The following RBFOX1 variants were observed in gnomAD, a reference collection of about 807,000 sequenced individuals.
RBFOX1 encodes the protein RNA binding protein fox-1 homolog 1.
RBFOX1 carries 8 observed loss-of-function variants against 57.7 expected under a neutral mutation model. The ratio of observed to expected loss-of-function variants is 0.14; its 90% CI spans 0.08 to 0.25. The LOEUF (loss-of-function observed/expected upper bound fraction) is 0.25. Among genes scored for constraint, RBFOX1 ranks in the 10% least tolerant of loss-of-function variants. RBFOX1 has a pLI of 1.00. For missense variants in RBFOX1, 611 were observed against 548.5 expected (o/e 1.11, Z -1.14); for synonymous variants, 326 against 222.4 (o/e 1.47, Z -4.15).
chr16:7,200,046 C>G (rs1260831863), intron 4 of RBFOX1, among the ~76,000 whole-genome samples: 1 of 152,186 alleles, frequency 6.6e-6, no homozygotes, highest in Admixed American at 6.5e-5. Context: ...CTGGGAAATT[C>G]TAGAGTGAAA....
intron 3 of RBFOX1, among the ~76,000 whole-genome samples, chr16:5,612,349 C>T (rs185712370): frequency 6.7e-6 from 1 of 149,442 alleles, no homozygotes; most frequent in Non-Finnish European, 1.5e-5. Context: ...ATCTGTCCAT[C>T]CATGCAATAT....
intron 2 of RBFOX1, among the ~76,000 whole-genome samples, chr16:5,514,684 C>T (rs543867876): frequency 6.6e-6 from 1 of 151,360 alleles, no homozygotes; most frequent in Non-Finnish European, 1.5e-5. Context: ...ATTGAAATGA[C>T]AATGATGTCC....
In RBFOX1 at chr16:5,856,593, A is replaced by G. The variant is rs1264144793; in HGVS notation, c.319-10710A>G. Among the ~76,000 whole-genome samples the G allele has an allele frequency of 1.1e-4, 10 of 91,816 alleles. 2 individuals carry two copies. The highest frequency in any genetic ancestry group is 1.6e-4 in the Non-Finnish European group (7 of 45,142). 60.2% of individuals were successfully genotyped at this position (91,816 alleles called of 152,430 possible). Reference sequence around the variant, plus strand: ...TGTGTGTGTATATATATATATATATATATATATATATAATCTTAGCCAGAT... The same window carrying G: ...TGTGTGTGTATATATATATATATATGTATATATATATAATCTTAGCCAGAT... On this transcript the variant is annotated intron_variant, in intron 3 of 19. Coordinates refer to the RBFOX1 transcript ENST00000641259.
chr16:6,568,609 C>A lies in RBFOX1; in HGVS notation c.-63-85994C>A, dbSNP rs192366107. On this transcript the variant is annotated intron_variant, in intron 2 of 15. Transcript: ENST00000550418. ...ACAGAAGATGGGGATTATCTCAGGG[C>A]CATCTTGGGGGTTCATTCTCATGTA... Among the ~76,000 whole-genome samples, 3 of 152,138 alleles carry A rather than the reference C, an allele frequency of 2.0e-5. No homozygotes were observed. The East Asian group carries it at 5.8e-4, about 29-fold the overall frequency.
At chr16:6,961,231 T>C (rs561731455) in intron 3 of RBFOX1, among the ~76,000 whole-genome samples, 1 of 152,010 alleles carries the variant, frequency 6.6e-6, no homozygotes, top group African/African-American at 2.4e-5. Context: ...AGGATGTCCC[T>C]GAGCTGCTGA....
chr16:6,889,182 C>T (rs540552940), intron 3 of RBFOX1, among the ~76,000 whole-genome samples: 2 of 152,166 alleles, frequency 1.3e-5, no homozygotes, highest in South Asian at 2.1e-4. Flanking sequence ...ACTGAAAATA[C>T]TGAGTTCATT....
intron 5 of RBFOX1, among the ~76,000 whole-genome samples, chr16:7,570,929 G>A (rs920681274): frequency 1.3e-5 from 2 of 152,152 alleles, no homozygotes; most frequent in African/African-American, 4.8e-5. Flanking sequence ...TATGTTCTTT[G>A]CAAGGACAGT....
intron 2 of RBFOX1, among the ~76,000 whole-genome samples, chr16:6,600,350 G>A (rs933218806): frequency 6.6e-6 from 1 of 152,026 alleles, no homozygotes; most frequent in African/African-American, 2.4e-5. Flanking sequence ...ACTGTCAGGA[G>A]GCTGCTCTGC....
intron 1 of RBFOX1, among the ~76,000 whole-genome samples, chr16:6,243,094 A>G (rs189183698): frequency 6.6e-6 from 1 of 151,918 alleles, no homozygotes. Flanking sequence ...GAGTCTTATG[A>G]TATTCTTATT....
At chr16:6,361,983 A>G (rs765157433) in intron 2 of RBFOX1, among the ~76,000 whole-genome samples, 21 of 152,138 alleles carry the variant, frequency 1.4e-4, no homozygotes, top group Non-Finnish European at 2.6e-4. Context: ...TTGAAGATAC[A>G]GCTGAGAAGA....
chr16:6,179,484 A>T (rs955879562), intron 1 of RBFOX1, among the ~76,000 whole-genome samples: 1 of 152,110 alleles, frequency 6.6e-6, no homozygotes. Context: ...AACATAGATC[A>T]TCTTCTGGGG....
At chr16:5,332,973 G>T (rs1289756126) in intron 1 of RBFOX1, among the ~76,000 whole-genome samples, 1 of 152,094 alleles carries the variant, frequency 6.6e-6, no homozygotes, top group Non-Finnish European at 1.5e-5. Flanking sequence ...ATCACCTGAG[G>T]TCAGGAGTTT....
At chr16:6,948,088 C>G (rs750232893) in intron 3 of RBFOX1, among the ~76,000 whole-genome samples, 2 of 152,052 alleles carry the variant, frequency 1.3e-5, no homozygotes, top group African/African-American at 4.8e-5. Flanking sequence ...CCTACATATT[C>G]TCATTTTCTT....
chr16:5,578,714 G>T (rs2046553290), intron 2 of RBFOX1, among the ~76,000 whole-genome samples: 1 of 152,014 alleles, frequency 6.6e-6, no homozygotes, highest in Admixed American at 6.6e-5. Context: ...CCTCTGTGAA[G>T]TATCAGTAAT....
intron 2 of RBFOX1, among the ~76,000 whole-genome samples, chr16:6,406,623 C>G (rs1429522374): frequency 6.7e-6 from 1 of 149,930 alleles, no homozygotes; most frequent in African/African-American, 2.4e-5. Context: ...TACTTGGCAT[C>G]TCTGCAGTAA....
chr16:7,089,897 AT>A (rs1038476101), intron 4 of RBFOX1, among the ~76,000 whole-genome samples: 13 of 99,044 alleles, frequency 1.3e-4, no homozygotes, highest in African/African-American at 5.1e-4. Flanking sequence ...TTTAATTCAG[AT>A]TTTTTTTCTG....
chr16:6,085,490 C>T (rs573364183), intron 1 of RBFOX1, among the ~76,000 whole-genome samples: 51 of 152,262 alleles, frequency 3.3e-4, no homozygotes, highest in Non-Finnish European at 1.3e-4. Flanking sequence ...TGGCTGGTCT[C>T]GAACTCCCGA....
At chr16:6,003,059 C>T (rs900879204) in intron 4 of RBFOX1, among the ~76,000 whole-genome samples, 1 of 151,864 alleles carries the variant, frequency 6.6e-6, no homozygotes, top group East Asian at 1.9e-4. Context: ...GCGGGTGGAT[C>T]ACGAGGTCAG....
intron 3 of RBFOX1, among the ~76,000 whole-genome samples, chr16:6,820,606 C>T (rs930961902): frequency 1.3e-5 from 2 of 152,086 alleles, no homozygotes; most frequent in African/African-American, 2.4e-5. Context: ...CTGCTGCAAG[C>T]CATGATCACA....
Sources: allele counts gnomAD v4.1 joint callset (sites outside exome capture counted in the v4.1 genomes callset), GRCh38; gene constraint gnomAD v4.1.1; transcripts MANE v1.5; gene names NCBI Gene and HGNC (gene_info 2026-07-23, HGNC 2026-07-21).